CNOT4: variants seen among roughly 807,000 people sequenced by gnomAD.
CNOT4 encodes CCR4-NOT transcription complex subunit 4, also known as CCR4-associated factor 4.
A neutral mutation model predicts 73.8 loss-of-function variants in CNOT4; 8 were observed. The observed-to-expected ratio is 0.11, with a 90% CI of 0.06 to 0.20. The LOEUF is 0.20. CNOT4 is among the 10% of genes least tolerant of loss of function. The pLI is 1.00. For missense variants in CNOT4, 564 were observed against 883.4 expected, an observed-to-expected ratio of 0.64 and a Z score of 4.58; for synonymous variants, 293 against 321.1, an observed-to-expected ratio of 0.91 and a Z score of 0.94.
At chr7:135,498,113 TAGTA>T (rs1803712444) in intron 1 of CNOT4, among the ~76,000 whole-genome samples, 2 of 152,164 alleles carry the variant, frequency 1.3e-5, no homozygotes, top group Admixed American at 6.5e-5. Context: ...GTCTCACAGA[TAGTA>T]AGTAAGTGGC....
chr7:135,472,552 T>TATATATAAA (rs1563070718), intron 1 of CNOT4, among the ~76,000 whole-genome samples: 5 of 75,494 alleles, frequency 6.6e-5, no homozygotes, highest in Non-Finnish European at 1.2e-4. Context: ...TATATATATA[T>TATATATAAA]ATATATAAAG....
intron 7 of CNOT4, among the ~76,000 whole-genome samples, chr7:135,406,111 A>G (rs1248570202): frequency 6.6e-6 from 1 of 152,032 alleles, no homozygotes; most frequent in African/African-American, 2.4e-5. Context: ...AATCTTATCT[A>G]CAAATTCATC....
chr7:135,503,025 C>T (rs1183823414), intron 1 of CNOT4, among the ~76,000 whole-genome samples: 5 of 151,770 alleles, frequency 3.3e-5, no homozygotes, highest in African/African-American at 7.3e-5. Context: ...TGGTGGCACA[C>T]GCCTGTAGTT....
intron 1 of CNOT4, among the ~76,000 whole-genome samples, chr7:135,477,591 T>G (rs1254551009): frequency 6.6e-6 from 1 of 152,218 alleles, no homozygotes; most frequent in Non-Finnish European, 1.5e-5. Flanking sequence ...CCTTTTTCAC[T>G]TTACGTGACA....
chr7:135,363,198 A>C lies in CNOT4; in HGVS notation c.1841-12T>G, dbSNP rs781399626. On this transcript the variant is annotated splice_polypyrimidine_tract_variant and intron_variant, in intron 11 of 11. Coordinates refer to ENST00000541284, the MANE Select transcript of CNOT4 (RefSeq NM_001190850.2). The surrounding 1 kb of genome is among the most constrained non-coding windows in gnomAD (Gnocchi z 4.3). ...AGACGCTGGAATACCTAAGGAGAGA[A>C]AAGAAAAAAGAGGGAAAATGGTGAG... is the stretch of plus-strand genomic sequence containing the variant. 1.2e-6 allele frequency: 2 copies of C among 1,611,798 alleles called. No individual in the cohort carries two copies. Among genetic ancestry groups the C allele is most frequent in the South Asian group, 2.2e-5 (2 of 91,048 alleles).
At chr7:135,508,414 T>G (rs1055842504) in intron 1 of CNOT4, among the ~76,000 whole-genome samples, 3 of 152,240 alleles carry the variant, frequency 2.0e-5, no homozygotes, top group African/African-American at 7.2e-5. Flanking sequence ...TTCCACCAAA[T>G]GCATGTATGT....
At chr7:135,495,574 G>C (rs1803438623) in intron 1 of CNOT4, among the ~76,000 whole-genome samples, 1 of 149,074 alleles carries the variant, frequency 6.7e-6, no homozygotes, top group Non-Finnish European at 1.5e-5. Context: ...TACTTGGGAG[G>C]CTGAGGTGGG....
In CNOT4 at chr7:135,464,465, T is replaced by C. The variant is rs117785030; in HGVS notation, c.-92-26042A>G. On this transcript the variant is annotated intron_variant, in intron 1 of 11. Transcript: ENST00000541284. Reference sequence around the variant, plus strand: ...GCCAAATACTGCATGTTCTCACTTATAAATGTGAGCTAAATGATAAAAAAC... The same window carrying C: ...GCCAAATACTGCATGTTCTCACTTACAAATGTGAGCTAAATGATAAAAAAC... Among the ~76,000 whole-genome samples the C allele has an allele frequency of 2.5e-3, 376 of 152,226 alleles. 8 individuals carry two copies. The East Asian group carries it at 0.053, about 22-fold the overall frequency.
chr7:135,501,389 C>T (rs1409205631), intron 1 of CNOT4, among the ~76,000 whole-genome samples: 1 of 152,172 alleles, frequency 6.6e-6, no homozygotes, highest in African/African-American at 2.4e-5. Flanking sequence ...GACAAATAGA[C>T]CACATTTCCT....
chr7:135,443,090 C>A (rs1799588148), intron 1 of CNOT4, among the ~76,000 whole-genome samples: 1 of 151,762 alleles, frequency 6.6e-6, no homozygotes, highest in East Asian at 1.9e-4. Context: ...CTGGCTCACA[C>A]CTGTAACCCC....
At chr7:135,384,666 T>C in intron 10 of CNOT4, 1 of 765,280 alleles carries the variant, frequency 1.3e-6, no homozygotes, top group Non-Finnish European at 2.4e-6. Flanking sequence ...ATTATCCTAC[T>C]GAATGAGCCT....
intron 3 of CNOT4, among the ~76,000 whole-genome samples, chr7:135,416,099 T>C (rs1797858203): frequency 6.6e-6 from 1 of 152,170 alleles, no homozygotes; most frequent in African/African-American, 2.4e-5. Context: ...TCTGTTTTCC[T>C]AGAATGTATC....
chr7:135,471,038 A>C (rs568379966), intron 1 of CNOT4, among the ~76,000 whole-genome samples: 1 of 152,252 alleles, frequency 6.6e-6, no homozygotes, highest in Non-Finnish European at 1.5e-5. Flanking sequence ...CCATGTCTGC[A>C]GAACCCTTAC....
At chr7:135,371,514 C>A (rs1273898984) in intron 10 of CNOT4, among the ~76,000 whole-genome samples, 1 of 152,112 alleles carries the variant, frequency 6.6e-6, no homozygotes, top group African/African-American at 2.4e-5. Flanking sequence ...AACACAGGGA[C>A]ACACAGGCCA....
intron 10 of CNOT4, among the ~76,000 whole-genome samples, chr7:135,373,896 A>T (rs1179271221): frequency 6.6e-6 from 1 of 152,192 alleles, no homozygotes; most frequent in Non-Finnish European, 1.5e-5. Context: ...TTAGTTCTTG[A>T]GAAATTTCTA....
Position 135,364,619 on chromosome 7 carries a change from T to C in CNOT4, c.1628-553A>G, listed in dbSNP as rs1046644220. On this transcript the variant is annotated intron_variant, in intron 10 of 11. Transcript: ENST00000541284. This position sits in a 1 kb window ranked among gnomAD's most constrained non-coding sequence, Gnocchi z 4.3. ...AGAAAAGCAGTAATGAACAGGCTTT[T>C]GAATTTGAAAAGAATGTATTTCCAT... Among the ~76,000 whole-genome samples the C allele has an allele frequency of 6.6e-6, 1 of 152,248 alleles. No individual in the cohort carries two copies. Among genetic ancestry groups the C allele is most frequent in the East Asian group, 1.9e-4 (1 of 5,206 alleles).
chr7:135,432,199 T>C (rs1798893178), intron 2 of CNOT4, among the ~76,000 whole-genome samples: 1 of 152,212 alleles, frequency 6.6e-6, no homozygotes, highest in Admixed American at 6.5e-5. Flanking sequence ...TTTATACATT[T>C]ATGGGCAATT....
intron 1 of CNOT4, among the ~76,000 whole-genome samples, chr7:135,479,258 G>C (rs1030105460): frequency 5.1e-5 from 7 of 136,440 alleles, no homozygotes; most frequent in African/African-American, 1.9e-4. Flanking sequence ...CACCAGGCTG[G>C]AGTGCAGTAG....
chr7:135,365,250 A>G (rs887632870), intron 10 of CNOT4, among the ~76,000 whole-genome samples: 8 of 152,246 alleles, frequency 5.3e-5, no homozygotes, highest in African/African-American at 1.9e-4. Flanking sequence ...TACTACAACT[A>G]AACTGAACGA....
Sources: allele counts gnomAD v4.1 joint callset (sites outside exome capture counted in the v4.1 genomes callset), GRCh38; gene constraint gnomAD v4.1.1; non-coding constraint Gnocchi (gnomAD v3.1); transcripts MANE v1.5; gene names NCBI Gene and HGNC (gene_info 2026-07-23, HGNC 2026-07-21).